The following COMMD10 variants were observed in gnomAD, a reference collection of about 807,000 sequenced individuals.
The protein encoded by COMMD10 is COMM domain containing 10.
COMMD10 carries 33 observed loss-of-function variants against 28.9 expected under a neutral mutation model. That is an observed-to-expected ratio of 1.14 (90% CI 0.87 to 1.53). The LOEUF (loss-of-function observed/expected upper bound fraction) is 1.53. Ranked by LOEUF, COMMD10 falls within the 40% of genes most tolerant of loss-of-function variation. COMMD10 has a pLI of 0.00. For synonymous variants in COMMD10, 110 were observed against 81.7 expected, an observed-to-expected ratio of 1.35 and a Z score of -1.87; for missense variants, 310 against 233.4, an observed-to-expected ratio of 1.33 and a Z score of -2.14.
intron 5 of COMMD10, among the ~76,000 whole-genome samples, chr5:116,249,817 C>G (rs1451920334): frequency 6.6e-6 from 1 of 151,750 alleles, no homozygotes; most frequent in Non-Finnish European, 1.5e-5. Flanking sequence ...GGGGGGAATT[C>G]TTGGCAAGAG....
At chr5:116,205,021 G>T (rs1365380025) in intron 5 of COMMD10, among the ~76,000 whole-genome samples, 1 of 152,118 alleles carries the variant, frequency 6.6e-6, no homozygotes, top group Admixed American at 6.6e-5. Context: ...TCTGTTAGAT[G>T]CTGCTAAATG....
At chr5:116,284,716 G>A (rs993743313) in intron 5 of COMMD10, among the ~76,000 whole-genome samples, 7 of 151,860 alleles carry the variant, frequency 4.6e-5, no homozygotes, top group African/African-American at 1.7e-4. Flanking sequence ...TGATAACTAA[G>A]ATGACAGGTC....
At chr5:116,195,029 G>A (rs1209855273) in intron 5 of COMMD10, among the ~76,000 whole-genome samples, 2 of 152,082 alleles carry the variant, frequency 1.3e-5, no homozygotes, top group East Asian at 1.9e-4. Context: ...GTCAATAAAT[G>A]TGATTCACCA....
chr5:116,260,019 C>G (rs900077495), intron 5 of COMMD10, among the ~76,000 whole-genome samples: 12 of 151,692 alleles, frequency 7.9e-5, no homozygotes, highest in Non-Finnish European at 2.9e-5. Context: ...AATTTTTGGT[C>G]TGCAGTGGTA....
chr5:116,197,200 G>A (rs1486402720), intron 5 of COMMD10, among the ~76,000 whole-genome samples: 2 of 152,084 alleles, frequency 1.3e-5, no homozygotes, highest in East Asian at 1.9e-4. Flanking sequence ...AGACTGTAAA[G>A]TTCATTTCAT....
chr5:116,127,512 A>T (rs572347622), intron 4 of COMMD10, among the ~76,000 whole-genome samples: 3 of 152,300 alleles, frequency 2.0e-5, no homozygotes, highest in Non-Finnish European at 2.9e-5. Context: ...AATAGCAAAG[A>T]CTTGGAAGCA....
At chr5:116,132,140 T>C (rs1163405993) in intron 4 of COMMD10, among the ~76,000 whole-genome samples, 1 of 152,024 alleles carries the variant, frequency 6.6e-6, no homozygotes, top group African/African-American at 2.4e-5. Context: ...ATGATGAGAA[T>C]CTGAAATGAG....
At chr5:116,241,583 C>T (rs986111873) in intron 5 of COMMD10, among the ~76,000 whole-genome samples, 8 of 140,506 alleles carry the variant, frequency 5.7e-5, no homozygotes, top group South Asian at 4.8e-4. Flanking sequence ...ACTCTGCTTT[C>T]TTATTTATTT....
intron 5 of COMMD10, among the ~76,000 whole-genome samples, chr5:116,233,015 A>C (rs12515329): frequency 0.64 from 97,131 of 152,030 alleles, 34,568 homozygotes; most frequent in South Asian, 0.8. Flanking sequence ...TAAAATGTGG[A>C]GCACGGTAGC....
chr5:116,106,469 G>A (rs1032089680), intron 4 of COMMD10, among the ~76,000 whole-genome samples: 1 of 152,160 alleles, frequency 6.6e-6, no homozygotes, highest in Non-Finnish European at 1.5e-5. Flanking sequence ...TGTTGATTTG[G>A]TGTGGAGAGT....
chr5:116,253,726 A>G (rs1253974001), intron 5 of COMMD10, among the ~76,000 whole-genome samples: 3 of 148,872 alleles, frequency 2.0e-5, no homozygotes, highest in East Asian at 3.9e-4. Context: ...TTTTTGCATC[A>G]ATGTTCATCA....
At chr5:116,163,590 C>CA (rs1194185345) in intron 5 of COMMD10, among the ~76,000 whole-genome samples, 4 of 151,276 alleles carry the variant, frequency 2.6e-5, no homozygotes, top group Non-Finnish European at 5.9e-5. Context: ...ACTCTGTCTC[C>CA]AAAAAAATAA....
intron 5 of COMMD10, among the ~76,000 whole-genome samples, chr5:116,169,142 A>T (rs1051391997): frequency 6.6e-5 from 10 of 152,252 alleles, no homozygotes; most frequent in Non-Finnish European, 1.5e-4. Flanking sequence ...TTAAATAGAC[A>T]CAATAAAAAA....
At chr5:116,142,249 A>G (rs1752217762) in intron 5 of COMMD10, among the ~76,000 whole-genome samples, 1 of 151,860 alleles carries the variant, frequency 6.6e-6, no homozygotes, top group Admixed American at 6.6e-5. Flanking sequence ...TATATTCTAA[A>G]TGACTGCATT....
At chr5:116,207,749 C>T (rs1407352112) in intron 5 of COMMD10, among the ~76,000 whole-genome samples, 1 of 152,160 alleles carries the variant, frequency 6.6e-6, no homozygotes, top group Non-Finnish European at 1.5e-5. Context: ...TAGTCTCTAA[C>T]TCCCAGTGAT....
intron 4 of COMMD10, among the ~76,000 whole-genome samples, chr5:116,126,553 C>T (rs1341023737): frequency 2.6e-5 from 4 of 151,854 alleles, no homozygotes; most frequent in African/African-American, 7.3e-5. Flanking sequence ...ACCAAAACAG[C>T]ATGGTACTGG....
chr5:116,151,792 C>T (rs1752537603), intron 5 of COMMD10, among the ~76,000 whole-genome samples: 1 of 151,958 alleles, frequency 6.6e-6, no homozygotes, highest in Non-Finnish European at 1.5e-5. Flanking sequence ...TTTTGTTGAT[C>T]CTTTCAAAAA....
At chr5:116,273,313 A>T (rs1750806875) in intron 5 of COMMD10, among the ~76,000 whole-genome samples, 1 of 151,794 alleles carries the variant, frequency 6.6e-6, no homozygotes, top group South Asian at 2.1e-4. Flanking sequence ...TTAATTCCCT[A>T]TTCCATTAAA....
chr5:116,282,090 C>A (rs1054666595), intron 5 of COMMD10, among the ~76,000 whole-genome samples: 1 of 151,918 alleles, frequency 6.6e-6, no homozygotes, highest in Non-Finnish European at 1.5e-5. Flanking sequence ...TGAAACTGTA[C>A]TTTGGATCCT....
Sources: allele counts gnomAD v4.1 joint callset (sites outside exome capture counted in the v4.1 genomes callset), GRCh38; gene constraint gnomAD v4.1.1; transcripts MANE v1.5; gene names NCBI Gene and HGNC (gene_info 2026-07-23, HGNC 2026-07-21).